Variants in EPB41L4A observed in about 807,000 individuals in gnomAD.
EPB41L4A encodes the protein erythrocyte membrane protein band 4.1 like 4A.
In EPB41L4A, 100 loss-of-function variants were observed where a neutral mutation model predicts 108.6. The observed-to-expected ratio is 0.92, with a 90% confidence interval of 0.78 to 1.09. EPB41L4A has a LOEUF of 1.09. Among genes scored for constraint, EPB41L4A ranks in the 50% least tolerant of loss-of-function variants. The pLI is 0.00. For synonymous variants in EPB41L4A, 319 were observed against 289.0 expected, an observed-to-expected ratio of 1.10 and a Z score of -1.05; for missense variants, 1,030 against 842.7, an observed-to-expected ratio of 1.22 and a Z score of -2.75.
At chr5:112,343,103 G>C (rs759385838) in intron 1 of EPB41L4A, among the ~76,000 whole-genome samples, 162 of 152,194 alleles carry the variant, frequency 1.1e-3, no homozygotes, top group Non-Finnish European at 1.9e-3. Flanking sequence ...TGGCTTTACA[G>C]AGAGGTATAC....
intron 1 of EPB41L4A, among the ~76,000 whole-genome samples, chr5:112,360,584 G>A (rs1758660945): frequency 6.6e-6 from 1 of 152,200 alleles, no homozygotes; most frequent in African/African-American, 2.4e-5. Context: ...GCTCAATGTT[G>A]CCCAGGCTGG....
At chr5:112,245,111 A>G (rs1750112072) in intron 9 of EPB41L4A, among the ~76,000 whole-genome samples, 1 of 152,084 alleles carries the variant, frequency 6.6e-6, no homozygotes, top group Admixed American at 6.6e-5. Context: ...AAGTGCAAAA[A>G]AAAAAAAAAG....
At position 112,360,113 on chromosome 5, in the gene EPB41L4A, G is replaced by A. The variant is rs564330516; in HGVS notation, c.100-52623C>T. On this transcript the variant is annotated intron_variant, in intron 1 of 22. Coordinates refer to ENST00000261486, the MANE Select transcript of EPB41L4A (RefSeq NM_022140.5). ...TGTAACCCCAGCTACAGATTCAATA[G>A]GAATCCAACAATTTGTAAAAGTAAT... Among the ~76,000 whole-genome samples, 86 of 152,258 alleles carry A rather than the reference G, an allele frequency of 5.6e-4. 1 individual carries two copies. The highest frequency in any genetic ancestry group is 1.9e-3 in the African/African-American group (77 of 41,548).
intron 9 of EPB41L4A, among the ~76,000 whole-genome samples, chr5:112,243,248 C>T (rs1293303136): frequency 1.4e-5 from 2 of 143,746 alleles, no homozygotes; most frequent in African/African-American, 2.6e-5. Context: ...TGTATATATA[C>T]ACACACACAC....
At chr5:112,238,702 T>G (rs975147472) in intron 11 of EPB41L4A, among the ~76,000 whole-genome samples, 1 of 152,128 alleles carries the variant, frequency 6.6e-6, no homozygotes, top group Admixed American at 6.6e-5. Context: ...TGCTTGGGTT[T>G]TACAAGGCCT....
intron 15 of EPB41L4A, among the ~76,000 whole-genome samples, chr5:112,201,664 T>C (rs1372269267): frequency 6.6e-6 from 1 of 152,198 alleles, no homozygotes; most frequent in African/African-American, 2.4e-5. Context: ...CTGCCACCTA[T>C]GTCGCCTCAA....
chr5:112,349,494 A>T (rs17343994), intron 1 of EPB41L4A, among the ~76,000 whole-genome samples: 1 of 152,082 alleles, frequency 6.6e-6, no homozygotes, highest in Admixed American at 6.5e-5. Flanking sequence ...TTAAAAGCCT[A>T]TAACAGCTGC....
intron 2 of EPB41L4A, among the ~76,000 whole-genome samples, chr5:112,285,510 T>C (rs1227276347): frequency 6.6e-6 from 1 of 152,170 alleles, no homozygotes; most frequent in East Asian, 1.9e-4. Context: ...TTTAATTTGC[T>C]CCTTCATATG....
chr5:112,184,233 A>G, intron 17 of EPB41L4A, 98 bp from the exon 18 acceptor site: 1 of 1,400,198 alleles, frequency 7.1e-7, no homozygotes, highest in Non-Finnish European at 9.8e-7. Flanking sequence ...AAGCAGCAGA[A>G]ATTTTATTAT....
At chr5:112,328,896 C>T (rs1352893566) in intron 1 of EPB41L4A, among the ~76,000 whole-genome samples, 2 of 152,174 alleles carry the variant, frequency 1.3e-5, no homozygotes, top group South Asian at 2.1e-4. Context: ...GTTTTGAAAA[C>T]AGGTTTTCTT....
chr5:112,356,154 T>C (rs1332058807), intron 1 of EPB41L4A, among the ~76,000 whole-genome samples: 1 of 152,122 alleles, frequency 6.6e-6, no homozygotes, highest in Non-Finnish European at 1.5e-5. Context: ...TACTCCACAT[T>C]GTGGGTAGAA....
rs541329687 is a variant in EPB41L4A at position 112,242,779 on chromosome 5, C to T, written c.796-1969G>A. ...GGTTGCAGAACAGATACTGTGATAG[C>T]AGGCTTGAAAGCAACATTAATCTCC... On this transcript the variant is annotated intron_variant, in intron 9 of 22. Coordinates refer to ENST00000261486, the MANE Select transcript of EPB41L4A (RefSeq NM_022140.5). 2.6e-5 allele frequency among the ~76,000 whole-genome samples: 4 copies of T among 152,316 alleles called. No individual in the cohort carries two copies. The East Asian group carries it at 7.7e-4, about 29-fold the overall frequency.
chr5:112,346,116 T>G (rs1172370115), intron 1 of EPB41L4A, among the ~76,000 whole-genome samples: 1 of 151,786 alleles, frequency 6.6e-6, no homozygotes, highest in African/African-American at 2.4e-5. Context: ...TGCCATCGTT[T>G]TGGGATGCCA....
chr5:112,361,558 T>C (rs1208908729), intron 1 of EPB41L4A, among the ~76,000 whole-genome samples: 3 of 122,304 alleles, frequency 2.5e-5, no homozygotes, highest in Non-Finnish European at 5.2e-5. Flanking sequence ...GAAAAAGGGA[T>C]ATCATTTAAA....
At chr5:112,357,092 C>A (rs1480057835) in intron 1 of EPB41L4A, among the ~76,000 whole-genome samples, 1 of 152,176 alleles carries the variant, frequency 6.6e-6, no homozygotes, top group South Asian at 2.1e-4. Flanking sequence ...ACTACTACCC[C>A]ACTCGGTCTT....
chr5:112,343,478 T>C (rs1467668033), intron 1 of EPB41L4A, among the ~76,000 whole-genome samples: 3 of 152,098 alleles, frequency 2.0e-5, no homozygotes, highest in East Asian at 3.9e-4. Flanking sequence ...ACATAATGTA[T>C]GTAAAGTACT....
chr5:112,278,056 A>C (rs1330784597), intron 3 of EPB41L4A, among the ~76,000 whole-genome samples: 1 of 152,168 alleles, frequency 6.6e-6, no homozygotes, highest in African/African-American at 2.4e-5. Flanking sequence ...GAAATAAATC[A>C]AGATTAACTA....
intron 1 of EPB41L4A, among the ~76,000 whole-genome samples, chr5:112,371,148 T>G (rs1342553818): frequency 2.0e-5 from 3 of 152,244 alleles, no homozygotes; most frequent in African/African-American, 7.2e-5. Flanking sequence ...ATATTATGTG[T>G]GTATACCCTT....
chr5:112,194,745 G>C (rs1256937931), intron 16 of EPB41L4A, 100 bp from the exon 17 acceptor site: 2 of 673,228 alleles, frequency 3.0e-6, no homozygotes, highest in African/African-American at 1.9e-5. Flanking sequence ...TCATTTTGCA[G>C]TAAAATTATC....
Sources: gnomAD v4.1 joint callset for allele counts (sites outside exome capture counted in the v4.1 genomes callset) on GRCh38, gnomAD v4.1.1 for gene constraint, MANE v1.5 for transcripts, NCBI Gene and HGNC (gene_info 2026-07-23, HGNC 2026-07-21) for gene names.